Variants in GNS observed in about 807,000 individuals in gnomAD.
GNS encodes the protein N-acetylglucosamine-6-sulfatase.
In GNS, 40 loss-of-function variants were observed where a neutral mutation model predicts 69.7. That is an observed-to-expected ratio of 0.57 (90% CI 0.45 to 0.75). The LOEUF (loss-of-function observed/expected upper bound fraction) is 0.75. Ranked by LOEUF, GNS falls within the 30% of genes least tolerant of loss-of-function variation. GNS has a pLI of 0.00. For missense variants in GNS, 565 were observed against 685.5 expected (o/e 0.82, Z 1.96); for synonymous variants, 243 against 251.6 (o/e 0.97, Z 0.32).
rs138790252 is a variant in GNS at position 64,720,149 on chromosome 12, G to C, written c.1453C>G (p.Pro485Ala). 236 of 1,604,930 alleles carry C rather than the reference G, an allele frequency of 1.5e-4. 1 individual carries two copies. In the African/African-American group the frequency reaches 2.6e-3, roughly 18 times the overall value. The part of the protein sequence containing the change: ...FVEVYNLTAD[P>A]DQITNIAKTI... ...TTAGCAATGTTAGTGATCTGGTCTG[G>C]GTCTGCAGTCAGATTATAGACTTCT... The change falls in exon 13 of 14, where the codon CCA (proline) becomes GCA (alanine). Residue 485 changes from proline (P) to alanine (A), a missense_variant. This residue lies in a region of GNS where 384 missense variants were observed against 511.0 expected (regional missense o/e 0.75). Coordinates refer to ENST00000258145, the MANE Select transcript of GNS (RefSeq NM_002076.4).
At chr12:64,731,671 C>A (rs1869395717) in intron 9 of GNS, among the ~76,000 whole-genome samples, 1 of 152,176 alleles carries the variant, frequency 6.6e-6, no homozygotes, top group South Asian at 2.1e-4. Context: ...TTATACCTAC[C>A]TCTGGTTTTT....
chr12:64,741,389 G>A (rs957824245), intron 6 of GNS, among the ~76,000 whole-genome samples: 2 of 151,558 alleles, frequency 1.3e-5, no homozygotes, highest in African/African-American at 2.4e-5. Context: ...GGGTTCATGC[G>A]ATTTTCATGC....
chr12:64,734,276 G>C (rs1384712894), intron 9 of GNS, among the ~76,000 whole-genome samples: 1 of 152,216 alleles, frequency 6.6e-6, no homozygotes, highest in Non-Finnish European at 1.5e-5. Context: ...ATGTTCCCCA[G>C]TGTATGTTAG....
intron 10 of GNS, among the ~76,000 whole-genome samples, chr12:64,727,159 G>C (rs1032177387): frequency 4.0e-5 from 6 of 151,752 alleles, no homozygotes; most frequent in Non-Finnish European, 7.4e-5. Flanking sequence ...GGAGGCTGAG[G>C]GGGGAGGATA....
Position 64,729,839 on chromosome 12 carries a change from G to A in GNS, c.1099-782C>T, listed in dbSNP as rs1294834712. 3.3e-5 allele frequency among the ~76,000 whole-genome samples: 5 copies of A among 152,086 alleles called. No individual in the cohort carries two copies. In the East Asian group the frequency reaches 9.6e-4, roughly 29 times the overall value. On this transcript the variant is annotated intron_variant, in intron 9 of 13. Coordinates refer to ENST00000258145, the MANE Select transcript of GNS (RefSeq NM_002076.4). ...CACATTAATAAAAACAGGTAAAACTGTATATATTTTAACCTCCTATAAAAA... is the reference window on the plus strand; with the variant it reads ...CACATTAATAAAAACAGGTAAAACTATATATATTTTAACCTCCTATAAAAA...
chr12:64,732,483 T>C (rs1443419962), intron 9 of GNS, among the ~76,000 whole-genome samples: 44 of 137,844 alleles, frequency 3.2e-4, no homozygotes, highest in African/African-American at 1.0e-3. Context: ...TTTTTTGAGA[T>C]GGAGTCTCAC....
intron 5 of GNS, 141 bp downstream of exon 5, chr12:64,744,668 C>G (rs1001769200): frequency 2.9e-6 from 2 of 682,110 alleles, no homozygotes; most frequent in African/African-American, 3.6e-5. Context: ...GCTGGAAATA[C>G]TCTTGGGCAG....
rs184983729 is a variant in GNS at position 64,750,236 on chromosome 12, T to C, written c.253-2318A>G. 5.3e-5 allele frequency among the ~76,000 whole-genome samples: 8 copies of C among 152,128 alleles called. No homozygotes were observed. The East Asian group carries it at 1.5e-3, about 29-fold the overall frequency. On this transcript the variant is annotated intron_variant, in intron 2 of 13. Coordinates refer to ENST00000258145, the MANE Select transcript of GNS (RefSeq NM_002076.4). Reference sequence around the variant, plus strand: ...TAATTTTTTGTATTTTTGGTAGAGATGGGGTTTCACCATGTTGGGTAGGCT... The same window carrying C: ...TAATTTTTTGTATTTTTGGTAGAGACGGGGTTTCACCATGTTGGGTAGGCT...
chr12:64,738,208 C>A (rs1698181227), intron 8 of GNS, among the ~76,000 whole-genome samples: 1 of 152,080 alleles, frequency 6.6e-6, no homozygotes, highest in Non-Finnish European at 1.5e-5. Context: ...AAGAGTTATG[C>A]CATGTTGGCC....
At chr12:64,718,515 A>G (rs1290716480) in intron 13 of GNS, among the ~76,000 whole-genome samples, 1 of 152,222 alleles carries the variant, frequency 6.6e-6, no homozygotes, top group East Asian at 1.9e-4. Context: ...TTTGGGCTCT[A>G]AGGGCTGTGT....
At chr12:64,751,465 C>G (rs1043674955) in intron 2 of GNS, among the ~76,000 whole-genome samples, 4 of 152,100 alleles carry the variant, frequency 2.6e-5, no homozygotes, top group African/African-American at 4.8e-5. Flanking sequence ...AAATGGAGCA[C>G]TGTTTCATCC....
rs533264061 is a variant in GNS at position 64,750,917 on chromosome 12, AAAAG to A, written c.252+1777_252+1780del. Among the ~76,000 whole-genome samples, 30 of 152,342 alleles carry A rather than the reference AAAAG, an allele frequency of 2.0e-4. No homozygotes were observed. The East Asian group carries it at 5.6e-3, about 28-fold the overall frequency. ...TGAGACCCTGTCTCAAAAAAGAAAA[AAAAG>A]AAAGAAATGTATATAAAATGATGTG... is the stretch of plus-strand genomic sequence containing the variant. On this transcript the variant is annotated intron_variant, in intron 2 of 13. Transcript: ENST00000258145.
At chr12:64,748,525 C>T (rs1380874324) in intron 2 of GNS, among the ~76,000 whole-genome samples, 1 of 151,922 alleles carries the variant, frequency 6.6e-6, no homozygotes, top group Non-Finnish European at 1.5e-5. Flanking sequence ...AATATTTATA[C>T]ACAGGGGGCA....
At chr12:64,725,995 C>CAAAAAAAAAAAAAAAAAAAAA (rs34734900) in intron 10 of GNS, among the ~76,000 whole-genome samples, 1 of 49,214 alleles carries the variant, frequency 2.0e-5, no homozygotes, top group Non-Finnish European at 3.5e-5. Context: ...GACTCTGTCT[C>CAAAAAAAAAAAAAAAAAAAAA]AAAAAAAAAA....
At chr12:64,722,688 CATT>C (rs1424314374) in intron 11 of GNS, 2 of 356,242 alleles carry the variant, frequency 5.6e-6, no homozygotes, top group Non-Finnish European at 1.1e-5. Context: ...GCCTCAGTAA[CATT>C]ATCCCTAATT....
At position 64,730,251 on chromosome 12, in the gene GNS, A is replaced by G. The variant is rs370667602; in HGVS notation, c.1099-1194T>C. Among the ~76,000 whole-genome samples, 13 of 152,312 alleles carry G rather than the reference A, an allele frequency of 8.5e-5. No homozygotes were observed. The East Asian group carries it at 2.5e-3, about 29-fold the overall frequency. Reference sequence around the variant, plus strand: ...GAAATGAAACACAAATCACTGAAGCAAAGTTATCAGCTTATAACTGGAAAA... The same window carrying G: ...GAAATGAAACACAAATCACTGAAGCGAAGTTATCAGCTTATAACTGGAAAA... On this transcript the variant is annotated intron_variant, in intron 9 of 13. Coordinates refer to ENST00000258145, the MANE Select transcript of GNS (RefSeq NM_002076.4).
intron 1 of GNS, among the ~76,000 whole-genome samples, chr12:64,753,952 G>A (rs1425662905): frequency 1.3e-5 from 2 of 152,200 alleles, no homozygotes; most frequent in African/African-American, 4.8e-5. Context: ...ACATTGGTTT[G>A]ATAAAACACC....
chr12:64,724,858 C>T (rs1453651899), intron 10 of GNS, among the ~76,000 whole-genome samples: 3 of 152,142 alleles, frequency 2.0e-5, no homozygotes, highest in Admixed American at 6.5e-5. Context: ...GAGACTCTGT[C>T]TCGGAAAAAA....
chr12:64,727,610 A>G (rs1869248134), intron 10 of GNS, among the ~76,000 whole-genome samples: 1 of 152,264 alleles, frequency 6.6e-6, no homozygotes, highest in Non-Finnish European at 1.5e-5. Flanking sequence ...CCTTGAAAAC[A>G]CTATGCTCAG....
Sources: gnomAD v4.1 joint callset for allele counts (sites outside exome capture counted in the v4.1 genomes callset) on GRCh38, gnomAD v4.1.1 for gene constraint, gnomAD v4.1.1 regional missense constraint, MANE v1.5 for transcripts, NCBI Gene and HGNC (gene_info 2026-07-23, HGNC 2026-07-21) for gene names.